The following DSCAM variants were observed in gnomAD, a reference collection of about 807,000 sequenced individuals.
The protein encoded by DSCAM is cell adhesion molecule DSCAM.
Under a neutral mutation model 217.7 loss-of-function variants are expected in DSCAM, and 47 were observed. That is an observed-to-expected ratio of 0.22 (90% CI 0.17 to 0.28). The LOEUF (loss-of-function observed/expected upper bound fraction) is 0.28. Ranked by LOEUF, DSCAM falls within the 10% of genes least tolerant of loss-of-function variation. The pLI is 1.00. For synonymous variants in DSCAM, 1,056 were observed against 1,015.3 expected, an observed-to-expected ratio of 1.04 and a Z score of -0.76; for missense variants, 2,080 against 2,618.3, an observed-to-expected ratio of 0.79 and a Z score of 4.49.
At chr21:40,171,202 C>T (rs1163025132) in intron 15 of DSCAM, among the ~76,000 whole-genome samples, 2 of 152,164 alleles carry the variant, frequency 1.3e-5, no homozygotes, top group East Asian at 3.8e-4. Flanking sequence ...TTCAATCTCC[C>T]AAGTAGTTGG....
At chr21:40,560,518 T>C (rs2076712275) in intron 3 of DSCAM, among the ~76,000 whole-genome samples, 1 of 152,220 alleles carries the variant, frequency 6.6e-6, no homozygotes, top group Non-Finnish European at 1.5e-5. Flanking sequence ...AGTCTACCCG[T>C]TGTTAATACA....
chr21:40,413,439 A>G (rs2123799744), intron 3 of DSCAM, among the ~76,000 whole-genome samples: 1 of 152,324 alleles, frequency 6.6e-6, no homozygotes, highest in East Asian at 1.9e-4. Context: ...CATGACCCAG[A>G]TGCAAGACAT....
chr21:40,585,104 G>A (rs897955177), intron 3 of DSCAM, among the ~76,000 whole-genome samples: 30 of 151,838 alleles, frequency 2.0e-4, no homozygotes, highest in African/African-American at 7.0e-4. Flanking sequence ...GCTTCCTGAG[G>A]GCTCACCAGA....
At chr21:40,379,399 C>A (rs538377281) in intron 3 of DSCAM, among the ~76,000 whole-genome samples, 3 of 152,142 alleles carry the variant, frequency 2.0e-5, no homozygotes, top group Non-Finnish European at 4.4e-5. Context: ...ATGTTGCTGT[C>A]GGGAGTAGAT....
At chr21:40,297,510 T>G (rs1195047283) in intron 9 of DSCAM, among the ~76,000 whole-genome samples, 1 of 152,158 alleles carries the variant, frequency 6.6e-6, no homozygotes, top group Non-Finnish European at 1.5e-5. Context: ...ACAGAATTCT[T>G]AATTTTGAGA....
At chr21:40,790,598 ATTGG>A (rs1248297624) in intron 1 of DSCAM, among the ~76,000 whole-genome samples, 1 of 152,112 alleles carries the variant, frequency 6.6e-6, no homozygotes, top group East Asian at 1.9e-4. Flanking sequence ...TGTATAAATG[ATTGG>A]TTGATTGACT....
intron 3 of DSCAM, among the ~76,000 whole-genome samples, chr21:40,516,624 C>T (rs928296908): frequency 2.0e-5 from 3 of 152,072 alleles, no homozygotes; most frequent in Non-Finnish European, 4.4e-5. Context: ...TGTGAATTGA[C>T]GTTGCCATGG....
chr21:40,203,072 G>A (rs2091087127), intron 11 of DSCAM, among the ~76,000 whole-genome samples: 1 of 152,156 alleles, frequency 6.6e-6, no homozygotes, highest in Non-Finnish European at 1.5e-5. Context: ...AAAAATTGAG[G>A]CACAGAGAGG....
At chr21:40,093,594 T>G in intron 21 of DSCAM, 127 bp downstream of exon 21, 259 of 1,164,734 alleles carry the variant, frequency 2.2e-4, no homozygotes, top group East Asian at 5.7e-4. Context: ...CCCTGTTTCT[T>G]GAGCTAAAAT....
intron 28 of DSCAM, among the ~76,000 whole-genome samples, chr21:40,060,519 G>C (rs116154296): frequency 0.03 from 4,633 of 152,064 alleles, 107 homozygotes; most frequent in African/African-American, 0.058. Flanking sequence ...GAAGCTCTCT[G>C]GAGGGCTGAA....
At chr21:40,705,008 G>A (rs144958921) in intron 2 of DSCAM, among the ~76,000 whole-genome samples, 51 of 152,308 alleles carry the variant, frequency 3.3e-4, no homozygotes, top group African/African-American at 1.2e-3. Context: ...GGGACTGGAA[G>A]AACTTGATCA....
At chr21:40,185,370 G>T (rs2090882151) in intron 14 of DSCAM, among the ~76,000 whole-genome samples, 1 of 152,206 alleles carries the variant, frequency 6.6e-6, no homozygotes, top group Non-Finnish European at 1.5e-5. Context: ...GCAAGCGAGG[G>T]TGCAGAGCTG....
At chr21:40,080,496 T>C (rs1186759402) in intron 24 of DSCAM, among the ~76,000 whole-genome samples, 156 bp from the exon 25 acceptor site, 1 of 152,186 alleles carries the variant, frequency 6.6e-6, no homozygotes, top group Non-Finnish European at 1.5e-5. Flanking sequence ...CCAGGAAATG[T>C]AACCCAGCCT....
chr21:40,800,983 T>C (rs569829737), intron 1 of DSCAM, among the ~76,000 whole-genome samples: 1 of 149,484 alleles, frequency 6.7e-6, no homozygotes, highest in Non-Finnish European at 1.5e-5. Flanking sequence ...TTAGATGGAG[T>C]TTCTTTCACC....
At chr21:40,266,389 C>T (rs1348041705) in intron 11 of DSCAM, among the ~76,000 whole-genome samples, 1 of 151,950 alleles carries the variant, frequency 6.6e-6, no homozygotes, top group Non-Finnish European at 1.5e-5. Context: ...GGAACACTTA[C>T]ACACTGCTGG....
Position 40,381,078 on chromosome 21 carries a change from A to G in DSCAM, c.509-11833T>C, listed in dbSNP as rs1001377706. On this transcript the variant is annotated intron_variant, in intron 3 of 32. Transcript: ENST00000400454. Reference sequence around the variant, plus strand: ...ACTCCGTCTCAAAAAAAAAAAAAAAAAAAAAAGAAAATAGAACTGATAGGA... The same window carrying G: ...ACTCCGTCTCAAAAAAAAAAAAAAAGAAAAAAGAAAATAGAACTGATAGGA... 2.4e-4 allele frequency among the ~76,000 whole-genome samples: 36 copies of G among 150,660 alleles called. 1 individual carries two copies. Among genetic ancestry groups the G allele is most frequent in the Non-Finnish European group, 3.0e-4 (20 of 67,526 alleles).
intron 27 of DSCAM, 128 bp from the exon 28 acceptor site, chr21:40,063,027 C>T: frequency 1.5e-6 from 1 of 645,510 alleles, no homozygotes; most frequent in Non-Finnish European, 2.4e-6. Flanking sequence ...ACCCAGCTCA[C>T]TACTAATGAC....
At chr21:40,552,454 T>C (rs1052712606) in intron 3 of DSCAM, among the ~76,000 whole-genome samples, 2 of 152,254 alleles carry the variant, frequency 1.3e-5, no homozygotes, top group African/African-American at 4.8e-5. Context: ...ACTCACGTAG[T>C]CTAGAAATAG....
At chr21:40,704,715 C>T (rs1196598128) in intron 2 of DSCAM, among the ~76,000 whole-genome samples, 2 of 151,810 alleles carry the variant, frequency 1.3e-5, no homozygotes, top group Admixed American at 1.3e-4. Context: ...GATGTCCTCT[C>T]AAAAATATTA....
Sources: gnomAD v4.1 joint callset for allele counts (sites outside exome capture counted in the v4.1 genomes callset) on GRCh38, gnomAD v4.1.1 for gene constraint, MANE v1.5 for transcripts, NCBI Gene and HGNC (gene_info 2026-07-23, HGNC 2026-07-21) for gene names.